The following TF variants were observed in gnomAD, a reference collection of about 807,000 sequenced individuals.
TF encodes the protein transferrin.
A neutral mutation model predicts 82.4 loss-of-function variants in TF; 55 were observed. The ratio of observed to expected loss-of-function variants is 0.67; its 90% CI spans 0.54 to 0.84. TF has a LOEUF of 0.84. Among genes scored for constraint, TF ranks in the 40% least tolerant of loss-of-function variants. TF has a pLI of 0.00. For missense variants in TF, 737 were observed against 868.4 expected (o/e 0.85, Z 1.90); for synonymous variants, 332 against 332.6 (o/e 1.00, Z 0.02).
At chr3:133,718,481 G>A in the TF span, among the ~76,000 whole-genome samples, 1 of 152,174 alleles carries the variant, frequency 6.6e-6, no homozygotes, top group African/African-American at 2.4e-5. Flanking sequence ...CTGGGAAGCA[G>A]GAGCACAGGT....
Position 133,777,159 on chromosome 3 carries a change from T to C in TF, c.1983T>C (p.His661=). 1 of 1,614,168 alleles carries C rather than the reference T, an allele frequency of 6.2e-7. No homozygotes were observed. Among genetic ancestry groups the C allele is most frequent in the African/African-American group, 1.3e-5 (1 of 75,042 alleles). ...ACACAGTATGTTTGGCCAAACTTCA[T>C]GACAGAAACACATATGAAAAATACT... ...RDDTVCLAKL[H]DRNTYEKYLG... is the part of the protein sequence containing the mutation. The change falls in exon 16 of 17, where the codon CAT becomes CAC. Residue 661 remains histidine, a synonymous_variant. Transcript: ENST00000402696.
intron 2 of TF, among the ~76,000 whole-genome samples, chr3:133,750,249 C>T (rs1271782215): frequency 6.6e-6 from 1 of 152,152 alleles, no homozygotes; most frequent in African/African-American, 2.4e-5. Context: ...TTAAGGGGAA[C>T]CGGGCCATCC....
intron 8 of TF, among the ~76,000 whole-genome samples, chr3:133,758,350 G>A (rs1183128651): frequency 6.6e-6 from 1 of 152,180 alleles, no homozygotes; most frequent in Non-Finnish European, 1.5e-5. Context: ...CCCAGTCCTG[G>A]ATTTCACTGA....
the TF span, among the ~76,000 whole-genome samples, chr3:133,728,890 C>T: frequency 6.6e-6 from 1 of 152,218 alleles, no homozygotes; most frequent in Non-Finnish European, 1.5e-5. Flanking sequence ...CCCTCAGCTG[C>T]AGGACTGTTT....
the TF span, among the ~76,000 whole-genome samples, chr3:133,676,335 A>G: frequency 2.0e-5 from 3 of 152,138 alleles, no homozygotes; most frequent in African/African-American, 7.2e-5. Flanking sequence ...GGTGAGTTAC[A>G]CCGGTAAAAA....
At chr3:133,752,949 T>C (rs1221206250) in intron 2 of TF, among the ~76,000 whole-genome samples, 1 of 151,924 alleles carries the variant, frequency 6.6e-6, no homozygotes, top group Non-Finnish European at 1.5e-5. Flanking sequence ...AAGTGCCCAA[T>C]CCCTCAGCAA....
chr3:133,748,398 C>G lies in TF; in HGVS notation c.44-14C>G. The G allele has an allele frequency of 6.2e-7, 1 of 1,613,950 alleles. No homozygotes were observed. The highest frequency in any genetic ancestry group is 8.5e-7 in the Non-Finnish European group (1 of 1,180,008). On this transcript the variant is annotated splice_polypyrimidine_tract_variant and intron_variant, in intron 1 of 16. Coordinates refer to ENST00000402696, the MANE Select transcript of TF (RefSeq NM_001063.4). ...AGGGAGTGGGCCCTTCCACCTCTGG[C>G]CTCTCTCCCCCAGGGCTGTGTCTGG...
chr3:133,715,783 T>C, the TF span, among the ~76,000 whole-genome samples: 1 of 152,188 alleles, frequency 6.6e-6, no homozygotes, highest in Non-Finnish European at 1.5e-5. Flanking sequence ...TGTCAGAGTA[T>C]GGGCAGACTA....
At position 133,778,524 on chromosome 3, in the gene TF, G is replaced by T; in HGVS notation, c.2063-62G>T. 3 of 1,571,528 alleles carry T rather than the reference G, an allele frequency of 1.9e-6. No individual in the cohort carries two copies. The South Asian group carries it at 3.3e-5, about 17-fold the overall frequency. ...CTATGCTGAAATTGTTCAATCACTC[G>T]ACAGTTCAGAAATAAATATAGGAAG... is the stretch of plus-strand genomic sequence containing the variant. On this transcript the variant is annotated intron_variant, in intron 16 of 16. Coordinates refer to ENST00000402696, the MANE Select transcript of TF (RefSeq NM_001063.4).
chr3:133,764,580 C>T (rs1478728378), intron 10 of TF, among the ~76,000 whole-genome samples: 2 of 152,224 alleles, frequency 1.3e-5, no homozygotes, highest in Non-Finnish European at 2.9e-5. Context: ...AAAACTCACA[C>T]TTCTCTCACT....
intron 9 of TF, among the ~76,000 whole-genome samples, chr3:133,763,562 C>T (rs1170702007): frequency 2.0e-5 from 3 of 152,160 alleles, no homozygotes; most frequent in African/African-American, 7.2e-5. Context: ...AGTTGCCCAC[C>T]AATCTGATTG....
chr3:133,772,421 C>T (rs1291834751), intron 14 of TF, among the ~76,000 whole-genome samples: 1 of 152,172 alleles, frequency 6.6e-6, no homozygotes, highest in East Asian at 1.9e-4. Flanking sequence ...GATAGGAGGC[C>T]TGACATCCAA....
intron 9 of TF, 106 bp from the exon 10 acceptor site, chr3:133,764,076 C>G: frequency 1.1e-6 from 1 of 913,636 alleles, no homozygotes; most frequent in South Asian, 1.3e-5. Context: ...TGCTATCTCC[C>G]TGGCATTCAT....
the TF span, among the ~76,000 whole-genome samples, chr3:133,731,500 G>C: frequency 3.9e-5 from 6 of 152,134 alleles, no homozygotes; most frequent in African/African-American, 1.4e-4. Flanking sequence ...ATACTAAATG[G>C]TCTCTCAGGG....
At chr3:133,724,705 G>A in the TF span, among the ~76,000 whole-genome samples, 36 of 152,236 alleles carry the variant, frequency 2.4e-4, no homozygotes, top group African/African-American at 8.2e-4. Context: ...ATTGCTTTTG[G>A]TGTTTTAGAC....
the TF span, among the ~76,000 whole-genome samples, chr3:133,687,462 G>A: frequency 1.3e-5 from 2 of 152,074 alleles, no homozygotes; most frequent in Non-Finnish European, 2.9e-5. Flanking sequence ...ATTCAAAAGT[G>A]TACAAATCAG....
At chr3:133,716,214 C>T in the TF span, among the ~76,000 whole-genome samples, 1 of 152,124 alleles carries the variant, frequency 6.6e-6, no homozygotes, top group South Asian at 2.1e-4. Context: ...GCTGACAATT[C>T]CCAAATTTAA....
At chr3:133,681,187 A>G in the TF span, among the ~76,000 whole-genome samples, 1 of 152,228 alleles carries the variant, frequency 6.6e-6, no homozygotes, top group Non-Finnish European at 1.5e-5. Flanking sequence ...GTAAGCTTTG[A>G]GTCACCGAAG....
At chr3:133,673,624 C>T in the TF span, among the ~76,000 whole-genome samples, 2 of 152,160 alleles carry the variant, frequency 1.3e-5, no homozygotes, top group African/African-American at 2.4e-5. Context: ...GGTATGATTC[C>T]ATCTGCATAA....
Sources: allele counts gnomAD v4.1 joint callset (sites outside exome capture counted in the v4.1 genomes callset), GRCh38; gene constraint gnomAD v4.1.1; transcripts MANE v1.5; gene names NCBI Gene and HGNC (gene_info 2026-07-23, HGNC 2026-07-21).